Variants in OGG1 observed in about 807,000 individuals in gnomAD.
OGG1 encodes N-glycosylase/DNA lyase.
OGG1 carries 35 observed loss-of-function variants against 42.3 expected under a neutral mutation model. The ratio of observed to expected loss-of-function variants is 0.83; its 90% confidence interval spans 0.63 to 1.10. The LOEUF (loss-of-function observed/expected upper bound fraction) is 1.10. Among genes scored for constraint, OGG1 ranks in the 50% least tolerant of loss-of-function variants. OGG1 has a pLI of 0.00. For synonymous variants in OGG1, 189 were observed against 179.0 expected (o/e 1.06, Z -0.44); for missense variants, 484 against 446.7 (o/e 1.08, Z -0.75).
chr3:9,766,265 A>G (rs1050995339), exon 8 of OGG1: 79 of 705,704 alleles, frequency 1.1e-4, no homozygotes, highest in African/African-American at 5.1e-4. Flanking sequence ...GAAATGGCCA[A>G]ATATATTTCC....
At chr3:9,753,316 C>CCTGGGCGA (rs1276421983) in intron 3 of OGG1, among the ~76,000 whole-genome samples, 1 of 148,416 alleles carries the variant, frequency 6.7e-6, no homozygotes, top group Non-Finnish European at 1.5e-5. Flanking sequence ...TGCACTCCAG[C>CCTGGGCGA]CTGGGCGACA....
downstream of OGG1, among the ~76,000 whole-genome samples, chr3:9,768,605 C>A (rs2078221391): frequency 6.6e-6 from 1 of 152,220 alleles, no homozygotes; most frequent in South Asian, 2.1e-4. Flanking sequence ...GCTAAGCTTG[C>A]TGAGGGCAAA....
chr3:9,789,128 T>G (rs1039651856), downstream of OGG1, among the ~76,000 whole-genome samples: 1 of 152,122 alleles, frequency 6.6e-6, no homozygotes, highest in African/African-American at 2.4e-5. Flanking sequence ...AAGCCACTGC[T>G]CCCAGCCCAA....
At chr3:9,788,144 A>C (rs1489159542) in exon 4 of OGG1, 1 of 164,432 alleles carries the variant, frequency 6.1e-6, no homozygotes, top group Non-Finnish European at 1.3e-5. Flanking sequence ...TGATCATGAC[A>C]GCTCACCTAT....
downstream of OGG1, chr3:9,759,057 T>C: frequency 1.3e-6 from 1 of 790,978 alleles, no homozygotes; most frequent in Non-Finnish European, 2.3e-6. Context: ...CTTACCTGCT[T>C]CTCTAAATTG....
chr3:9,765,025 G>A lies in OGG1; in HGVS notation c.1049-784G>A, dbSNP rs183685542. ...GTGGATCACCTGAGGTCAGGAGTTCGAGACCAGCCTGGCCAACATGGCGAA... is the reference window on the plus strand; with the variant it reads ...GTGGATCACCTGAGGTCAGGAGTTCAAGACCAGCCTGGCCAACATGGCGAA... On this transcript the variant is annotated intron_variant, in intron 7 of 7. Coordinates refer to the OGG1 transcript ENST00000302008. 1.6e-3 allele frequency among the ~76,000 whole-genome samples: 243 copies of A among 151,732 alleles called. 3 individuals carry two copies. The highest frequency in any genetic ancestry group is 0.011 in the Admixed American group (161 of 15,216).
Position 9,780,186 on chromosome 3 carries a change from C to G in OGG1, c.295-1327C>G, listed in dbSNP as rs886130165. 1.1e-5 allele frequency: 7 copies of G among 613,998 alleles called. No homozygotes were observed. The East Asian group carries it at 2.0e-4, about 18-fold the overall frequency. 38.0% of individuals were successfully genotyped at this position (613,998 alleles called of 1,614,324 possible). A position where few individuals can be genotyped will look rare whatever the true frequency, so the allele number is the denominator to read the frequency against. ...CTAGCCCAGCAGGGCTTCCTGTGTCCTGGTTGTACAGAGCTAGGCCAAAAG... is the reference window on the plus strand; with the variant it reads ...CTAGCCCAGCAGGGCTTCCTGTGTCGTGGTTGTACAGAGCTAGGCCAAAAG... On this transcript the variant is annotated intron_variant, in intron 2 of 3. Transcript: ENST00000426518.
downstream of OGG1, chr3:9,767,680 C>T (rs2078191316): frequency 1.2e-6 from 2 of 1,614,154 alleles, no homozygotes; most frequent in Non-Finnish European, 1.7e-6. Flanking sequence ...CCCAGAACAT[C>T]TCGGAAGTCG....
chr3:9,763,917 C>T (rs370816311), intron 7 of OGG1, among the ~76,000 whole-genome samples: 14 of 152,208 alleles, frequency 9.2e-5, no homozygotes, highest in East Asian at 5.8e-4. Flanking sequence ...ACCTGGGAAA[C>T]GGAGGTTGCA....
intron 3 of OGG1, chr3:9,784,349 C>G: frequency 8.6e-7 from 1 of 1,161,462 alleles, no homozygotes; most frequent in Non-Finnish European, 1.2e-6. Flanking sequence ...TATCCAGATA[C>G]AAAGGGAGGG....
intron 7 of OGG1, chr3:9,763,040 C>T (rs2077962097): frequency 6.2e-7 from 1 of 1,614,020 alleles, no homozygotes; most frequent in African/African-American, 1.3e-5. Flanking sequence ...CAAAGAGCTC[C>T]CCACCCGACA....
At position 9,751,263 on chromosome 3, in the gene OGG1, A is replaced by G. The variant is rs190941076; in HGVS notation, c.385+71A>G. On this transcript the variant is annotated intron_variant, in intron 2 of 6. Transcript: ENST00000344629. ...CACTTCTCTATGACTCAGTTTTGCC[A>G]CCTGTAAAATGGGGATTATATCTAC... 104 of 1,531,700 alleles carry G rather than the reference A, an allele frequency of 6.8e-5. No individual in the cohort carries two copies. In the African/African-American group the frequency reaches 1.2e-3, roughly 17 times the overall value. 94.9% of individuals were successfully genotyped at this position (1,531,700 alleles called of 1,614,324 possible).
chr3:9,756,664 G>C, intron 5 of OGG1, 43 bp downstream of exon 5: 5 of 1,612,422 alleles, frequency 3.1e-6, no homozygotes, highest in Non-Finnish European at 4.2e-6. Context: ...GGCTGGGATG[G>C]TAGAAACTTC....
chr3:9,753,079 C>T (rs1029456559), intron 3 of OGG1, among the ~76,000 whole-genome samples: 2 of 149,440 alleles, frequency 1.3e-5, no homozygotes, highest in South Asian at 2.1e-4. Context: ...GGGTCAGGCA[C>T]GGTGGCTCAC....
chr3:9,759,918 C>G (rs139193244), downstream of OGG1: 2 of 1,056,382 alleles, frequency 1.9e-6, no homozygotes, highest in Non-Finnish European at 2.7e-6. Context: ...CCTCCCACCC[C>G]GTGCCTTCCA....
chr3:9,771,149 TC>T (rs1308048003), downstream of OGG1, among the ~76,000 whole-genome samples: 37 of 152,012 alleles, frequency 2.4e-4, no homozygotes, highest in Admixed American at 3.3e-4. Flanking sequence ...TACCTCAGCC[TC>T]CCATGTAGAT....
chr3:9,770,480 G>T (rs1053659860), downstream of OGG1, among the ~76,000 whole-genome samples: 2 of 152,144 alleles, frequency 1.3e-5, no homozygotes. Flanking sequence ...CTTGACAGGT[G>T]GGAAGACTGA....
intron 2 of OGG1, chr3:9,780,187 T>C: frequency 1.6e-6 from 1 of 623,742 alleles, no homozygotes; most frequent in African/African-American, 1.8e-5. Context: ...TCCTGTGTCC[T>C]GGTTGTACAG....
At chr3:9,775,806 C>T (rs945647525) in intron 2 of OGG1, among the ~76,000 whole-genome samples, 2 of 151,778 alleles carry the variant, frequency 1.3e-5, no homozygotes, top group African/African-American at 2.4e-5. Context: ...TGCCTGGCTA[C>T]GTTTTGTATT....
Sources: gnomAD v4.1 joint callset for allele counts (sites outside exome capture counted in the v4.1 genomes callset) on GRCh38, gnomAD v4.1.1 for gene constraint, MANE v1.5 for transcripts, NCBI Gene and HGNC (gene_info 2026-07-23, HGNC 2026-07-21) for gene names.